Variants in ABL2 observed in about 807,000 individuals in gnomAD.
ABL2 encodes tyrosine-protein kinase ABL2.
Under a neutral mutation model 107.7 loss-of-function variants are expected in ABL2, and 49 were observed. The ratio of observed to expected loss-of-function variants is 0.45; its 90% confidence interval spans 0.36 to 0.58. The LOEUF (loss-of-function observed/expected upper bound fraction) is 0.58. Among genes scored for constraint, ABL2 ranks in the 20% least tolerant of loss-of-function variants. The pLI is 0.00. For missense variants in ABL2, 1,245 were observed against 1,457.0 expected, an observed-to-expected ratio of 0.85 and a Z score of 2.37; for synonymous variants, 549 against 548.6, an observed-to-expected ratio of 1.00 and a Z score of -0.01.
intron 1 of ABL2, 35 bp downstream of exon 1, chr1:179,229,206 C>CCCCCCCCCCCCCCCCCCCCCT: frequency 6.8e-7 from 1 of 1,480,762 alleles, no homozygotes; most frequent in Non-Finnish European, 9.0e-7. Flanking sequence ...CCCGGCCTCC[C>CCCCCCCCCCCCCCCCCCCCCT]CCACGCTCTC....
At chr1:179,109,927 CAA>C (rs11285150) in intron 11 of ABL2, among the ~76,000 whole-genome samples, 65 of 131,226 alleles carry the variant, frequency 5.0e-4, no homozygotes, top group African/African-American at 4.2e-4. Context: ...GACTCCGTCT[CAA>C]AAAAAAAAAA....
chr1:179,162,717 T>C (rs1272020411), intron 1 of ABL2, among the ~76,000 whole-genome samples: 1 of 152,242 alleles, frequency 6.6e-6, no homozygotes, highest in Non-Finnish European at 1.5e-5. Flanking sequence ...GGGAATGGAC[T>C]CTTGAGATAA....
chr1:179,110,320 T>G lies in ABL2; in HGVS notation c.1787A>C (p.Gln596Pro). Residue 596 changes from glutamine (Q) to proline (P), a missense_variant, in exon 11 of 12, where the codon CAA becomes CCA. Around this residue, in one of 3 missense-constraint regions of ABL2, gnomAD observed 761 missense variants for 766.4 expected, o/e 0.99. Coordinates refer to ENST00000502732, the MANE Select transcript of ABL2 (RefSeq NM_007314.4). ...GGAAGCAGAATTTTCTGTGGCATCT[T>G]GTGCCCCTTCAATGTTCTCCTTGTT... ...VENKENIEGA[Q>P]DATENSASSL... The G allele has an allele frequency of 6.2e-7, 1 of 1,614,224 alleles. No homozygotes were observed. Among genetic ancestry groups the G allele is most frequent in the South Asian group, 1.1e-5 (1 of 91,078 alleles).
At chr1:179,185,323 C>G (rs184523321) in intron 1 of ABL2, among the ~76,000 whole-genome samples, 1 of 152,242 alleles carries the variant, frequency 6.6e-6, no homozygotes, top group African/African-American at 2.4e-5. Context: ...TAAGGTAATA[C>G]TTTTAAAATA....
At chr1:179,204,019 T>TTTAC (rs1257554555) in intron 1 of ABL2, among the ~76,000 whole-genome samples, 2 of 151,980 alleles carry the variant, frequency 1.3e-5, no homozygotes, top group Non-Finnish European at 2.9e-5. Flanking sequence ...AATATTTCCA[T>TTTAC]TTATTTATTT....
chr1:179,119,522 C>CAA (rs570669683), intron 6 of ABL2, among the ~76,000 whole-genome samples: 2 of 115,858 alleles, frequency 1.7e-5, no homozygotes, highest in Non-Finnish European at 3.7e-5. Flanking sequence ...AAAAAACAAA[C>CAA]AAAAAAAAAC....
Position 179,229,632 on chromosome 1 carries a change from A to AGGCCGC in ABL2, c.-236_-235insGCGGCC, listed in dbSNP as rs1663445006. The AGGCCGC allele has an allele frequency of 2.3e-6, 1 of 442,870 alleles. No homozygotes were observed. Among genetic ancestry groups the AGGCCGC allele is most frequent in the African/African-American group, 2.2e-5 (1 of 45,306 alleles). 27.4% of individuals were successfully genotyped at this position (442,870 alleles called of 1,614,324 possible). A position where few individuals can be genotyped will look rare whatever the true frequency, so the allele number is the denominator to read the frequency against. On this transcript the variant is annotated 5_prime_UTR_variant, in exon 1 of 12. Coordinates refer to ENST00000502732, the MANE Select transcript of ABL2 (RefSeq NM_007314.4). ...CTCCTGTCGCGGCTCCGCGCCCCCA[A>AGGCCGC]CGCCGCCGCCGCCGCCGCCGCCACC...
At chr1:179,173,040 A>G (rs540346903) in intron 1 of ABL2, among the ~76,000 whole-genome samples, 76 of 152,158 alleles carry the variant, frequency 5.0e-4, no homozygotes, top group South Asian at 1.9e-3. Flanking sequence ...AAATACAAAA[A>G]TTAGCTGGGC....
At position 179,109,320 on chromosome 1, in the gene ABL2, C is replaced by T; in HGVS notation, c.1947G>A (p.Lys649=). 1 of 1,614,066 alleles carries T rather than the reference C, an allele frequency of 6.2e-7. No individual in the cohort carries two copies. The highest frequency in any genetic ancestry group is 1.3e-5 in the African/African-American group (1 of 75,024). ...TCATGAAGGAGCTGAAGAAGCCCCC[C>T]TTCCTATCCCTGGTGAAGCATGTCT... ...AKETCFTRDR[K]GGFFSSFMKK... Residue 649 remains lysine, a synonymous_variant, in exon 12 of 12, where the codon AAG becomes AAA. Coordinates refer to ENST00000502732, the MANE Select transcript of ABL2 (RefSeq NM_007314.4).
chr1:179,229,173 A>ACCCCCCCCCCCCC, intron 1 of ABL2, 68 bp downstream of exon 1: 7 of 223,208 alleles, frequency 3.1e-5, no homozygotes, highest in South Asian at 6.1e-5. Context: ...CCCGTCCGCC[A>ACCCCCCCCCCCCC]CCCACCCCGC....
At chr1:179,198,554 G>A (rs1385362505) in intron 1 of ABL2, among the ~76,000 whole-genome samples, 5 of 151,488 alleles carry the variant, frequency 3.3e-5, no homozygotes, top group Admixed American at 3.3e-4. Context: ...GTAGCCAGGC[G>A]TGGTGTCAGG....
At chr1:179,189,547 G>A (rs73044759) in intron 1 of ABL2, among the ~76,000 whole-genome samples, 2,177 of 152,156 alleles carry the variant, frequency 0.014, 79 homozygotes, top group African/African-American at 0.05. Context: ...ATTAGCAATC[G>A]TCTTGTCACT....
chr1:179,109,281 A>C lies in ABL2; in HGVS notation c.1986T>G (p.Ala662=). The C allele has an allele frequency of 6.2e-7, 1 of 1,613,988 alleles. No individual in the cohort carries two copies. The highest frequency in any genetic ancestry group is 1.1e-5 in the South Asian group (1 of 91,056). Residue 662 remains alanine (A), a synonymous_variant, in exon 12 of 12, where the codon GCT becomes GCG. Coordinates refer to ENST00000502732, the MANE Select transcript of ABL2 (RefSeq NM_007314.4). The part of the protein sequence containing the change: ...FFSSFMKKRN[A]PTPPKRSSSF... The stretch of plus-strand genomic sequence containing the variant: ...AGCTGCTGCGTTTGGGGGGTGTAGG[A>C]GCATTTCTCTTCTTCATGAAGGAGC...
intron 1 of ABL2, chr1:179,184,203 G>A: frequency 6.2e-6 from 3 of 481,152 alleles, no homozygotes; most frequent in South Asian, 5.9e-5. Flanking sequence ...GACCAAAGTT[G>A]AAGTGACAGA....
chr1:179,196,081 GGA>G (rs1236097117), intron 1 of ABL2, among the ~76,000 whole-genome samples: 2 of 152,188 alleles, frequency 1.3e-5, no homozygotes, highest in Admixed American at 6.5e-5. Context: ...CTTGAGGCCA[GGA>G]GTTCCTCCCC....
intron 1 of ABL2, among the ~76,000 whole-genome samples, chr1:179,144,833 A>G (rs1249024325): frequency 6.6e-6 from 1 of 152,210 alleles, no homozygotes; most frequent in Non-Finnish European, 1.5e-5. Context: ...ACCAGATTGA[A>G]TATCTCATTC....
intron 1 of ABL2, 41 bp downstream of exon 1, chr1:179,229,186 CGACCCCACCCCCGG>C: frequency 6.0e-6 from 4 of 667,784 alleles, no homozygotes; most frequent in Non-Finnish European, 9.2e-6. Context: ...CACCCCGCCC[CGACCCCACCCCCGG>C]CCTCCCCCAC....
rs145810957 is a variant in ABL2, at chr1:179,170,657, C to T, written c.158-37283G>A. 5.6e-3 allele frequency among the ~76,000 whole-genome samples: 847 copies of T among 152,254 alleles called. 9 individuals carry two copies. The highest frequency in any genetic ancestry group is 0.019 in the African/African-American group (794 of 41,534). On this transcript the variant is annotated intron_variant, in intron 1 of 11. Coordinates refer to ENST00000502732, the MANE Select transcript of ABL2 (RefSeq NM_007314.4). ...GTCACCCAGCTGGAGTGCAGTGGCA[C>T]GATCTCAGGTCACCGCAACCTCCAC...
At chr1:179,198,373 AT>A (rs1268914246) in intron 1 of ABL2, among the ~76,000 whole-genome samples, 1 of 152,048 alleles carries the variant, frequency 6.6e-6, no homozygotes, top group East Asian at 1.9e-4. Context: ...TCCTGAAACT[AT>A]TTCAAGATTA....
Sources: gnomAD v4.1 joint callset for allele counts (sites outside exome capture counted in the v4.1 genomes callset) on GRCh38, gnomAD v4.1.1 for gene constraint, gnomAD v4.1.1 regional missense constraint, MANE v1.5 for transcripts, NCBI Gene and HGNC (gene_info 2026-07-23, HGNC 2026-07-21) for gene names.